The following DMRT1 variants were observed in gnomAD, a reference collection of about 807,000 sequenced individuals.
DMRT1 encodes doublesex- and mab-3-related transcription factor 1.
Under a neutral mutation model 32.3 loss-of-function variants are expected in DMRT1, and 7 were observed. That is an observed-to-expected ratio of 0.22 (90% CI 0.12 to 0.41). DMRT1 has a LOEUF of 0.41. Among genes scored for constraint, DMRT1 ranks in the 10% least tolerant of loss-of-function variants. DMRT1 has a pLI of 1.00. For missense variants in DMRT1, 625 were observed against 500.5 expected (o/e 1.25, Z -2.37); for synonymous variants, 278 against 206.1 (o/e 1.35, Z -2.99).
At chr9:874,007 T>G (rs1366791282) in intron 2 of DMRT1, among the ~76,000 whole-genome samples, 2 of 152,190 alleles carry the variant, frequency 1.3e-5, no homozygotes, top group Non-Finnish European at 2.9e-5. Context: ...TCCTACAGAG[T>G]ATGGTGACCA....
At chr9:856,406 C>G (rs1815403587) in intron 2 of DMRT1, among the ~76,000 whole-genome samples, 1 of 152,138 alleles carries the variant, frequency 6.6e-6, no homozygotes, top group Non-Finnish European at 1.5e-5. Context: ...ACTCTTCGCT[C>G]CAGCCCTAGG....
chr9:887,059 C>T (rs999631442), intron 2 of DMRT1, among the ~76,000 whole-genome samples: 8 of 152,148 alleles, frequency 5.3e-5, no homozygotes, highest in South Asian at 2.1e-4. Context: ...GGCGTGGTGG[C>T]GGGAGCCTAT....
At chr9:882,533 A>G (rs114083347) in intron 2 of DMRT1, among the ~76,000 whole-genome samples, 2,781 of 152,210 alleles carry the variant, frequency 0.018, 78 homozygotes, top group African/African-American at 0.064. Context: ...CCTCCAGGCC[A>G]GGGTTTTGCA....
intron 2 of DMRT1, among the ~76,000 whole-genome samples, chr9:869,164 C>T (rs72699228): frequency 0.099 from 15,033 of 152,152 alleles, 988 homozygotes; most frequent in East Asian, 0.19. Context: ...AGATTTTTAT[C>T]CGGGGGCGGA....
intron 4 of DMRT1, among the ~76,000 whole-genome samples, chr9:947,779 G>A (rs1174064955): frequency 1.3e-5 from 2 of 152,082 alleles, no homozygotes; most frequent in Non-Finnish European, 2.9e-5. Flanking sequence ...CCAAGGGGAC[G>A]GTATAGCCCT....
In DMRT1 at chr9:885,325, T is replaced by G. The variant is rs531440058; in HGVS notation, c.539-8587T>G. On this transcript the variant is annotated intron_variant, in intron 2 of 4. Coordinates refer to ENST00000382276, the MANE Select transcript of DMRT1 (RefSeq NM_021951.3). The stretch of plus-strand genomic sequence containing the variant: ...CTTTCTGTATCCCCTGGTTCTTGCC[T>G]TGGTGTACCAAAAGAATGAGATCAC... 2.0e-5 allele frequency among the ~76,000 whole-genome samples: 3 copies of G among 152,334 alleles called. No homozygotes were observed. In the South Asian group the frequency reaches 6.2e-4, roughly 32 times the overall value.
intron 2 of DMRT1, among the ~76,000 whole-genome samples, chr9:849,166 A>G (rs1336764353): frequency 1.3e-5 from 2 of 152,114 alleles, no homozygotes; most frequent in South Asian, 4.1e-4. Context: ...ACTGCCACAG[A>G]AAAGAGCTGG....
At chr9:938,619 G>A (rs939935623) in intron 4 of DMRT1, among the ~76,000 whole-genome samples, 1 of 152,126 alleles carries the variant, frequency 6.6e-6, no homozygotes, top group Admixed American at 6.5e-5. Flanking sequence ...CAACTTTGCT[G>A]AATTTATTAG....
At chr9:958,330 G>C (rs1001159573) in intron 4 of DMRT1, among the ~76,000 whole-genome samples, 5 of 152,104 alleles carry the variant, frequency 3.3e-5, no homozygotes, top group African/African-American at 9.7e-5. Flanking sequence ...AAATGGCTTG[G>C]GAACTTTCTC....
intron 4 of DMRT1, among the ~76,000 whole-genome samples, chr9:920,430 T>C (rs958608785): frequency 6.6e-6 from 1 of 152,140 alleles, no homozygotes; most frequent in Non-Finnish European, 1.5e-5. Context: ...AGTGCTGATA[T>C]GTCAAATGAG....
intron 4 of DMRT1, among the ~76,000 whole-genome samples, chr9:964,219 C>A (rs1259664738): frequency 6.6e-6 from 1 of 151,362 alleles, no homozygotes; most frequent in African/African-American, 2.4e-5. Flanking sequence ...AGAAGGTTTT[C>A]TTTTTTGACA....
chr9:966,369 A>G (rs917799031), intron 4 of DMRT1, among the ~76,000 whole-genome samples: 1 of 152,228 alleles, frequency 6.6e-6, no homozygotes, highest in Non-Finnish European at 1.5e-5. Flanking sequence ...ATATTTTCCT[A>G]TATTTTAAAG....
In DMRT1 at chr9:913,483, T is replaced by C. The variant is rs115944140; in HGVS notation, c.823-3280T>C. Among the ~76,000 whole-genome samples, 1,219 of 152,290 alleles carry C rather than the reference T, an allele frequency of 8.0e-3. 12 individuals are homozygous for C. The highest frequency in any genetic ancestry group is 0.028 in the African/African-American group (1,175 of 41,552). ...CAGACCCCTGAAAAAAATCTTTTAG[T>C]TCTGGGGAATTTTGTGTATAAAAAT... On this transcript the variant is annotated intron_variant, in intron 3 of 4. Transcript: ENST00000382276.
At chr9:867,099 T>C (rs1816024428) in intron 2 of DMRT1, among the ~76,000 whole-genome samples, 1 of 151,752 alleles carries the variant, frequency 6.6e-6, no homozygotes, top group South Asian at 2.1e-4. Flanking sequence ...AAAGGTAATA[T>C]AAAAGAGGGA....
At chr9:865,584 T>C (rs1285767393) in intron 2 of DMRT1, among the ~76,000 whole-genome samples, 4 of 152,186 alleles carry the variant, frequency 2.6e-5, no homozygotes, top group African/African-American at 9.7e-5. Flanking sequence ...TGAGCCCGGA[T>C]ATGATTTATC....
intron 4 of DMRT1, among the ~76,000 whole-genome samples, chr9:936,645 C>T (rs1455250295): frequency 6.6e-6 from 1 of 150,940 alleles, no homozygotes; most frequent in African/African-American, 2.4e-5. Flanking sequence ...CCCAGCTACT[C>T]GGGAGGCTGA....
rs2130013692 is a variant in DMRT1, at chr9:965,042, C to T, written c.968-2943C>T. 6.6e-6 allele frequency among the ~76,000 whole-genome samples: 1 copy of T among 152,278 alleles called. No homozygotes were observed. Among genetic ancestry groups the T allele is most frequent in the East Asian group, 1.9e-4 (1 of 5,182 alleles). On this transcript the variant is annotated intron_variant, in intron 4 of 4. Transcript: ENST00000382276. This position sits in a 1 kb window ranked among gnomAD's most constrained non-coding sequence, Gnocchi z 4.5. ...TTTTTAATTGGTATGAAATAATTTA[C>T]AACGGTCAACTATTAGCCTTCTCCT...
intron 4 of DMRT1, among the ~76,000 whole-genome samples, chr9:937,063 A>G (rs188395581): frequency 1.4e-4 from 21 of 152,158 alleles, no homozygotes; most frequent in Non-Finnish European, 1.5e-4. Flanking sequence ...GAATTTGCCT[A>G]TTTCAAATAC....
chr9:885,811 C>T (rs1033899441), intron 2 of DMRT1, among the ~76,000 whole-genome samples: 3 of 152,130 alleles, frequency 2.0e-5, no homozygotes, highest in African/African-American at 7.2e-5. Context: ...CACTTCCCTG[C>T]CCACTTCTGT....
Sources: allele counts gnomAD v4.1 joint callset (sites outside exome capture counted in the v4.1 genomes callset), GRCh38; gene constraint gnomAD v4.1.1; non-coding constraint Gnocchi (gnomAD v3.1); transcripts MANE v1.5; gene names NCBI Gene and HGNC (gene_info 2026-07-23, HGNC 2026-07-21).